SLC25A21: variants seen among roughly 807,000 people sequenced by gnomAD.
SLC25A21 encodes solute carrier family 25 member 21.
SLC25A21 carries 47 observed loss-of-function variants against 43.8 expected under a neutral mutation model. The ratio of observed to expected loss-of-function variants is 1.07; its 90% CI spans 0.85 to 1.37. SLC25A21 has a LOEUF of 1.37. SLC25A21 is among the 40% of genes most tolerant of loss of function. SLC25A21 has a pLI of 0.00. For missense variants in SLC25A21, 352 were observed against 350.2 expected (o/e 1.00, Z -0.04); for synonymous variants, 131 against 121.3 (o/e 1.08, Z -0.52).
chr14:36,773,879 A>G (rs890855966), intron 3 of SLC25A21, among the ~76,000 whole-genome samples: 3 of 152,224 alleles, frequency 2.0e-5, no homozygotes, highest in Admixed American at 2.0e-4. Context: ...GTAGGGAAAA[A>G]CGGAATTGCA....
chr14:36,746,481 A>T (rs1204334379), intron 3 of SLC25A21, among the ~76,000 whole-genome samples: 2 of 152,148 alleles, frequency 1.3e-5, no homozygotes, highest in East Asian at 3.9e-4. Flanking sequence ...GAGGAAAACA[A>T]TACCACCTAC....
At chr14:36,875,042 T>C (rs1890480091) in intron 1 of SLC25A21, 38 bp from the exon 2 acceptor site, 2 of 1,502,116 alleles carry the variant, frequency 1.3e-6, no homozygotes, top group East Asian at 2.3e-5. Flanking sequence ...AACACTTATG[T>C]AAACACTGGT....
chr14:36,797,094 T>C (rs533221786), intron 3 of SLC25A21, among the ~76,000 whole-genome samples: 1 of 152,308 alleles, frequency 6.6e-6, no homozygotes, highest in East Asian at 1.9e-4. Flanking sequence ...AGTATAAAAT[T>C]CTTTGTTTAT....
At position 36,679,303 on chromosome 14, in the gene SLC25A21, T is replaced by C. The variant is rs539477713; in HGVS notation, c.*1355A>G. The C allele has an allele frequency of 5.1e-6, 5 of 974,566 alleles. No individual in the cohort carries two copies. Among genetic ancestry groups the C allele is most frequent in the African/African-American group, 3.5e-5 (2 of 57,074 alleles). 60.4% of individuals were successfully genotyped at this position (974,566 alleles called of 1,614,324 possible). On this transcript the variant is annotated 3_prime_UTR_variant, in exon 10 of 10. Coordinates refer to ENST00000331299, the MANE Select transcript of SLC25A21 (RefSeq NM_030631.4). Reference sequence around the variant, plus strand: ...GAAGGCTATGTATGTATATACAGTATGTCAAAAGCCTTTTATTTTTATACT... The same window carrying C: ...GAAGGCTATGTATGTATATACAGTACGTCAAAAGCCTTTTATTTTTATACT...
At chr14:36,783,909 A>AC (rs1887160144) in intron 3 of SLC25A21, among the ~76,000 whole-genome samples, 1 of 152,108 alleles carries the variant, frequency 6.6e-6, no homozygotes, top group Non-Finnish European at 1.5e-5. Context: ...TCTGTACCCG[A>AC]CTTCCCACCC....
intron 1 of SLC25A21, among the ~76,000 whole-genome samples, chr14:36,898,570 A>G (rs948108980): frequency 1.3e-5 from 2 of 152,120 alleles, no homozygotes; most frequent in African/African-American, 2.4e-5. Context: ...CTCCCCAGTG[A>G]GATGAACCTG....
rs1375838067 is a variant in SLC25A21 at position 36,800,749 on chromosome 14, T to A, written c.203+13169A>T. 2.6e-5 allele frequency among the ~76,000 whole-genome samples: 4 copies of A among 152,124 alleles called. No homozygotes were observed. The East Asian group carries it at 7.7e-4, about 29-fold the overall frequency. On this transcript the variant is annotated intron_variant, in intron 3 of 9. Coordinates refer to ENST00000331299, the MANE Select transcript of SLC25A21 (RefSeq NM_030631.4). ...AAGGTAAATTTTATGTTATGTATAT[T>A]TTACCCAAGTAAAAATAAAAAAAAA...
chr14:36,735,768 A>C (rs1885004462), intron 3 of SLC25A21, among the ~76,000 whole-genome samples: 1 of 151,260 alleles, frequency 6.6e-6, no homozygotes, highest in Non-Finnish European at 1.5e-5. Context: ...GCTTACATAG[A>C]AACTTGAGGG....
intron 1 of SLC25A21, among the ~76,000 whole-genome samples, chr14:37,085,078 T>TC (rs1962458794): frequency 1.3e-5 from 2 of 152,176 alleles, no homozygotes; most frequent in African/African-American, 4.8e-5. Flanking sequence ...CTAAAAATAA[T>TC]TGTGTCTGAA....
At chr14:37,128,197 G>C in intron 1 of SLC25A21, among the ~76,000 whole-genome samples, 1 of 152,146 alleles carries the variant, frequency 6.6e-6, no homozygotes, top group East Asian at 1.9e-4. Flanking sequence ...TTTAAGCCGA[G>C]GGATGCCTAA....
intron 3 of SLC25A21, among the ~76,000 whole-genome samples, chr14:36,751,975 G>C (rs778546080): frequency 8.9e-6 from 1 of 112,574 alleles, no homozygotes; most frequent in Non-Finnish European, 1.7e-5. Context: ...GCATTCATCT[G>C]ACAAATAATT....
intron 1 of SLC25A21, among the ~76,000 whole-genome samples, chr14:37,004,475 G>A (rs1960553962): frequency 6.6e-6 from 1 of 152,222 alleles, no homozygotes; most frequent in African/African-American, 2.4e-5. Context: ...AAGGTTATGT[G>A]TTAAGTCAGT....
At chr14:36,875,073 C>T (rs1256702972) in intron 1 of SLC25A21, 69 bp from the exon 2 acceptor site, 23 of 1,272,016 alleles carry the variant, frequency 1.8e-5, no homozygotes, top group East Asian at 7.1e-5. Flanking sequence ...TTGATCCCGT[C>T]GATTTCTCGA....
chr14:36,924,282 C>T (rs370983547), intron 1 of SLC25A21, among the ~76,000 whole-genome samples: 2 of 152,094 alleles, frequency 1.3e-5, no homozygotes, highest in East Asian at 1.9e-4. Flanking sequence ...AACCCAAATG[C>T]CCATCAATGA....
intron 1 of SLC25A21, among the ~76,000 whole-genome samples, chr14:36,980,672 C>G (rs138715010): frequency 4.6e-5 from 7 of 152,318 alleles, no homozygotes; most frequent in African/African-American, 1.4e-4. Flanking sequence ...CAAACTCATT[C>G]TCTGTCCAGC....
At position 36,680,263 on chromosome 14, in the gene SLC25A21, T is replaced by A. The variant is rs1306757640; in HGVS notation, c.*395A>T. On this transcript the variant is annotated 3_prime_UTR_variant, in exon 10 of 10. Coordinates refer to ENST00000331299, the MANE Select transcript of SLC25A21 (RefSeq NM_030631.4). ...TTAATCCAGTCTTTGAATAATTTGATTTATTTTCAATAGTTTAAGCATTTC... is the reference window on the plus strand; with the variant it reads ...TTAATCCAGTCTTTGAATAATTTGAATTATTTTCAATAGTTTAAGCATTTC... 1.0e-6 allele frequency: 1 copy of A among 957,982 alleles called. No homozygotes were observed. The highest frequency in any genetic ancestry group is 1.1e-4 in the East Asian group (1 of 8,774). 59.3% of individuals were successfully genotyped at this position (957,982 alleles called of 1,614,324 possible).
chr14:37,044,292 C>T (rs1199353460), intron 1 of SLC25A21, among the ~76,000 whole-genome samples: 1 of 151,736 alleles, frequency 6.6e-6, no homozygotes, highest in Non-Finnish European at 1.5e-5. Context: ...TTTTTAATAG[C>T]CTTATAATCT....
chr14:36,964,020 C>A (rs1959558608), intron 1 of SLC25A21, among the ~76,000 whole-genome samples: 1 of 152,096 alleles, frequency 6.6e-6, no homozygotes, highest in Non-Finnish European at 1.5e-5. Flanking sequence ...ATTTCTTATG[C>A]ACATATATAA....
intron 2 of SLC25A21, 133 bp downstream of exon 2, chr14:36,874,822 CT>C: frequency 1.7e-6 from 1 of 603,414 alleles, no homozygotes. Flanking sequence ...ATAGTACTTT[CT>C]TTAGAAGCAA....
Sources: gnomAD v4.1 joint callset for allele counts (sites outside exome capture counted in the v4.1 genomes callset) on GRCh38, gnomAD v4.1.1 for gene constraint, MANE v1.5 for transcripts, NCBI Gene and HGNC (gene_info 2026-07-23, HGNC 2026-07-21) for gene names.